The following CDH3 variants were observed in gnomAD, a reference collection of about 807,000 sequenced individuals.
The protein encoded by CDH3 is cadherin 3, also known as cadherin-3.
A neutral mutation model predicts 82.0 loss-of-function variants in CDH3; 54 were observed. The observed-to-expected ratio is 0.66, with a 90% confidence interval of 0.53 to 0.83. CDH3 has a LOEUF of 0.83. Ranked by LOEUF, CDH3 falls within the 40% of genes least tolerant of loss-of-function variation. CDH3 has a pLI of 0.00. For missense variants in CDH3, 1,054 were observed against 1,084.6 expected (o/e 0.97, Z 0.40); for synonymous variants, 446 against 437.9 (o/e 1.02, Z -0.23).
At chr16:68,720,409 T>C (rs4500718) in intron 1 of CDH3, among the ~76,000 whole-genome samples, 39,217 of 152,030 alleles carry the variant, frequency 0.26, 5,203 homozygotes, top group Admixed American at 0.29. Context: ...CAGCTGTGTC[T>C]GGGACTTGCT....
chr16:68,698,256 T>A lies in CDH3; in HGVS notation c.2346T>A (p.Tyr782Ter), dbSNP rs1485344535. Residue 782 changes from tyrosine to a stop codon, truncating the protein, a stop_gained, in exon 16 of 16, where the codon TAT (tyrosine) becomes TAA (stop). Coordinates refer to ENST00000264012, the MANE Select transcript of CDH3 (RefSeq NM_001793.6). LOFTEE classifies it high-confidence loss of function. ...ACGACACCCTCTTGGTGTTCGACTA[T>A]GAGGGCAGCGGCTCCGACGCCGCGT... is the stretch of plus-strand genomic sequence containing the variant. ...PPYDTLLVFDYEGSGSDAASL... is the reference protein window; with the variant it reads ...PPYDTLLVFD 5 of 1,614,234 alleles carry A rather than the reference T, an allele frequency of 3.1e-6. No homozygotes were observed. Among genetic ancestry groups the A allele is most frequent in the Non-Finnish European group, 4.2e-6 (5 of 1,180,038 alleles).
At chr16:68,681,786 C>T (rs934055551) in intron 8 of CDH3, among the ~76,000 whole-genome samples, 5 of 151,608 alleles carry the variant, frequency 3.3e-5, no homozygotes, top group African/African-American at 9.7e-5. Flanking sequence ...TGCAGTGAGC[C>T]GAGATCACAC....
intron 1 of CDH3, among the ~76,000 whole-genome samples, chr16:68,706,762 C>A (rs1308377513): frequency 6.6e-6 from 1 of 151,870 alleles, no homozygotes; most frequent in Non-Finnish European, 1.5e-5. Context: ...CCATGTTGGT[C>A]AGGCTGGTCT....
At chr16:68,662,877 T>G (rs1336854251) in intron 2 of CDH3, among the ~76,000 whole-genome samples, 5 of 140,798 alleles carry the variant, frequency 3.6e-5, no homozygotes, top group Admixed American at 2.1e-4. Flanking sequence ...TTTTTTTTTT[T>G]TTTTTTTTTT....
At chr16:68,690,994 C>T (rs1961554820) in intron 12 of CDH3, among the ~76,000 whole-genome samples, 1 of 143,768 alleles carries the variant, frequency 7.0e-6, no homozygotes, top group South Asian at 2.2e-4. Context: ...AGTAGCCATT[C>T]TTTATTCCTT....
At chr16:68,695,665 C>A in intron 14 of CDH3, 112 bp from the exon 15 acceptor site, 1 of 1,264,606 alleles carries the variant, frequency 7.9e-7, no homozygotes, top group Non-Finnish European at 1.1e-6. Context: ...CTTGTAAGAC[C>A]TCCCCATGAG....
chr16:68,706,231 C>T (rs554813485), intron 1 of CDH3, among the ~76,000 whole-genome samples: 1 of 152,230 alleles, frequency 6.6e-6, no homozygotes, highest in Admixed American at 6.6e-5. Context: ...ATTGGGAGAG[C>T]CAGATTTAAA....
chr16:68,678,189 T>C lies in CDH3; in HGVS notation c.302T>C (p.Ile101Thr), dbSNP rs1416533512. The stretch of plus-strand genomic sequence containing the variant: ...TTGAAGATCTTCCCATCCAAACGTA[T>C]CTTACGAAGACACAAGAGAGATTGG... ...NPLKIFPSKRILRRHKRDWVV... is the reference protein window; with the variant it reads ...NPLKIFPSKRTLRRHKRDWVV... Residue 101 changes from isoleucine (I) to threonine (T), a missense_variant, in exon 4 of 16, where the codon ATC (isoleucine) becomes ACC (threonine). Transcript: ENST00000264012. 1 of 1,613,900 alleles carries C rather than the reference T, an allele frequency of 6.2e-7. No homozygotes were observed. Among genetic ancestry groups the C allele is most frequent in the South Asian group, 1.1e-5 (1 of 91,082 alleles).
At chr16:68,729,780 C>T (rs111656213), downstream of CDH3, among the ~76,000 whole-genome samples, 1,068 of 152,010 alleles carry the variant, frequency 7.0e-3, 11 homozygotes, top group African/African-American at 0.024. Context: ...CACAGGTGTG[C>T]GCCACCACAC....
chr16:68,670,918 C>T (rs1960867536), intron 2 of CDH3, among the ~76,000 whole-genome samples: 1 of 151,920 alleles, frequency 6.6e-6, no homozygotes, highest in Non-Finnish European at 1.5e-5. Flanking sequence ...ACTAAGAATA[C>T]AAAAATTAGC....
intron 2 of CDH3, among the ~76,000 whole-genome samples, chr16:68,725,051 C>T (rs1962204730): frequency 6.6e-6 from 1 of 152,074 alleles, no homozygotes; most frequent in Non-Finnish European, 1.5e-5. Context: ...GCAACAGGTC[C>T]CTGGGCCTCC....
intron 1 of CDH3, among the ~76,000 whole-genome samples, chr16:68,719,567 G>A (rs909630834): frequency 6.9e-6 from 1 of 144,828 alleles, no homozygotes; most frequent in African/African-American, 2.6e-5. Context: ...GAGTGCAGTG[G>A]CGCCATCTTG....
Position 68,645,631 on chromosome 16 carries a change from C to A in CDH3, c.46-5C>A. On this transcript the variant is annotated splice_region_variant and splice_polypyrimidine_tract_variant and intron_variant, in intron 1 of 15. Transcript: ENST00000264012. ...GCCTCCTTCACTCTCTGCCCTCGGG[C>A]GCAGGTTTGCTGGCTGCAGTGCGCG... is the stretch of plus-strand genomic sequence containing the variant. 6.5e-7 allele frequency: 1 copy of A among 1,540,318 alleles called. No individual in the cohort carries two copies. Among genetic ancestry groups the A allele is most frequent in the Non-Finnish European group, 8.7e-7 (1 of 1,145,848 alleles).
At chr16:68,716,051 C>T (rs1962091395) in intron 1 of CDH3, among the ~76,000 whole-genome samples, 1 of 151,686 alleles carries the variant, frequency 6.6e-6, no homozygotes, top group Admixed American at 6.6e-5. Context: ...GGTGGATCAC[C>T]TGAAATCAGG....
intron 2 of CDH3, chr16:68,645,963 C>G: frequency 1.7e-6 from 1 of 579,682 alleles, no homozygotes. Context: ...GCCCCTTGTC[C>G]GGTAGCCACT....
At chr16:68,686,214 A>G (rs1359806738) in intron 11 of CDH3, among the ~76,000 whole-genome samples, 1 of 152,122 alleles carries the variant, frequency 6.6e-6, no homozygotes, top group African/African-American at 2.4e-5. Context: ...TGGCCTGCAC[A>G]GGGCCCTTGG....
chr16:68,701,787 A>G (rs917354306), downstream of CDH3, among the ~76,000 whole-genome samples: 1 of 151,584 alleles, frequency 6.6e-6, no homozygotes, highest in Non-Finnish European at 1.5e-5. Flanking sequence ...GCACTTTGGG[A>G]GGCTGAGGCG....
At chr16:68,680,006 C>G (rs1265610687) in intron 7 of CDH3, 32 bp downstream of exon 7, 1 of 1,600,228 alleles carries the variant, frequency 6.2e-7, no homozygotes. Context: ...TACTGCCTAC[C>G]CAGACTTGCC....
chr16:68,708,919 A>G (rs2152109728), intron 1 of CDH3, among the ~76,000 whole-genome samples: 1 of 152,260 alleles, frequency 6.6e-6, no homozygotes, highest in South Asian at 2.1e-4. Flanking sequence ...CTGGGATTAC[A>G]GGTGTGAGCT....
Sources: gnomAD v4.1 joint callset for allele counts (sites outside exome capture counted in the v4.1 genomes callset) on GRCh38, gnomAD v4.1.1 for gene constraint, MANE v1.5 for transcripts, NCBI Gene and HGNC (gene_info 2026-07-23, HGNC 2026-07-21) for gene names.